The following SUCLG2 variants were observed in gnomAD, a reference collection of about 807,000 sequenced individuals.
SUCLG2 encodes succinate--CoA ligase [GDP-forming] subunit beta, mitochondrial.
A neutral mutation model predicts 47.9 loss-of-function variants in SUCLG2; 42 were observed. The ratio of observed to expected loss-of-function variants is 0.88; its 90% CI spans 0.69 to 1.14. The LOEUF (loss-of-function observed/expected upper bound fraction) is 1.14. Among genes scored for constraint, SUCLG2 ranks in the 50% most tolerant of loss-of-function variants. The pLI is 0.00. For missense variants in SUCLG2, 571 were observed against 525.9 expected (o/e 1.09, Z -0.84); for synonymous variants, 195 against 197.3 (o/e 0.99, Z 0.10).
intron 9 of SUCLG2, among the ~76,000 whole-genome samples, chr3:67,467,936 T>C (rs1384477675): frequency 3.3e-5 from 5 of 152,138 alleles, no homozygotes; most frequent in African/African-American, 4.8e-5. Context: ...GCACCCTGAA[T>C]AATATAATGC....
chr3:67,508,406 A>G (rs960543705), intron 7 of SUCLG2, among the ~76,000 whole-genome samples: 4 of 152,110 alleles, frequency 2.6e-5, no homozygotes, highest in Non-Finnish European at 5.9e-5. Flanking sequence ...GAGGTGAACG[A>G]ATGTTTCTTT....
chr3:67,589,791 C>A (rs537963391), intron 2 of SUCLG2, among the ~76,000 whole-genome samples: 145 of 152,264 alleles, frequency 9.5e-4, no homozygotes, highest in African/African-American at 3.4e-3. Context: ...AAGCTGGGGG[C>A]GGAAAGAGGA....
intron 10 of SUCLG2, among the ~76,000 whole-genome samples, chr3:67,399,983 C>T (rs1004926921): frequency 6.6e-6 from 1 of 152,112 alleles, no homozygotes; most frequent in Admixed American, 6.5e-5. Flanking sequence ...GAGTTCAAGA[C>T]CAGCCTGGGC....
At chr3:67,617,829 A>C (rs1448171698) in intron 1 of SUCLG2, among the ~76,000 whole-genome samples, 1 of 152,202 alleles carries the variant, frequency 6.6e-6, no homozygotes, top group Non-Finnish European at 1.5e-5. Flanking sequence ...TGCCCATGAC[A>C]AGTACTCAAA....
Position 67,584,284 on chromosome 3 carries a change from G to A in SUCLG2, c.226+25171C>T, listed in dbSNP as rs149330680. The stretch of plus-strand genomic sequence containing the variant: ...CTCAAAAATATGATACTAAGTGAAG[G>A]AAGCTCGACACAAGAGACCACATGC... On this transcript the variant is annotated intron_variant, in intron 2 of 10. Transcript: ENST00000307227. Among the ~76,000 whole-genome samples, 616 of 152,234 alleles carry A rather than the reference G, an allele frequency of 4.0e-3. 2 individuals are homozygous for A. The highest frequency in any genetic ancestry group is 0.031 in the Middle Eastern group (9 of 292).
chr3:67,367,610 G>A (rs935002352), intron 10 of SUCLG2, among the ~76,000 whole-genome samples: 1 of 152,126 alleles, frequency 6.6e-6, no homozygotes, highest in Non-Finnish European at 1.5e-5. Flanking sequence ...TGCTGTGGAG[G>A]GCAGACCCTG....
At chr3:67,492,404 G>C (rs193285354) in intron 9 of SUCLG2, among the ~76,000 whole-genome samples, 4 of 152,094 alleles carry the variant, frequency 2.6e-5, no homozygotes, top group African/African-American at 9.7e-5. Flanking sequence ...ATACAAACCA[G>C]AGTATAATTT....
At chr3:67,532,279 G>T (rs1021615702) in intron 2 of SUCLG2, among the ~76,000 whole-genome samples, 2 of 152,138 alleles carry the variant, frequency 1.3e-5, no homozygotes, top group Admixed American at 6.6e-5. Context: ...GGGGTTACAG[G>T]CACATGCCAC....
intron 9 of SUCLG2, among the ~76,000 whole-genome samples, chr3:67,484,413 T>TA (rs1308368895): frequency 2.0e-5 from 3 of 152,128 alleles, no homozygotes; most frequent in Admixed American, 6.5e-5. Flanking sequence ...TATATGGAAA[T>TA]AAAAAAATAG....
chr3:67,537,516 G>A (rs1471870022), intron 2 of SUCLG2, among the ~76,000 whole-genome samples: 1 of 152,172 alleles, frequency 6.6e-6, no homozygotes, highest in Non-Finnish European at 1.5e-5. Context: ...TGTGCACAGT[G>A]CCGAAATAAA....
intron 2 of SUCLG2, among the ~76,000 whole-genome samples, chr3:67,596,817 C>A (rs774647233): frequency 6.6e-6 from 1 of 152,140 alleles, no homozygotes; most frequent in Non-Finnish European, 1.5e-5. Context: ...ACAACACTGG[C>A]AAGGATGGAG....
At chr3:67,397,036 G>A (rs1476291081) in intron 10 of SUCLG2, among the ~76,000 whole-genome samples, 5 of 151,252 alleles carry the variant, frequency 3.3e-5, no homozygotes, top group African/African-American at 4.9e-5. Context: ...AATAATAAGA[G>A]CTATCTATGA....
intron 9 of SUCLG2, 42 bp from the exon 10 acceptor site, chr3:67,400,893 G>T: frequency 6.2e-7 from 1 of 1,607,972 alleles, no homozygotes; most frequent in Non-Finnish European, 8.5e-7. Context: ...AATGCTGATC[G>T]CCAACAGTCT....
intron 2 of SUCLG2, among the ~76,000 whole-genome samples, chr3:67,604,599 T>C (rs879729370): frequency 2.6e-5 from 4 of 152,108 alleles, no homozygotes; most frequent in African/African-American, 7.2e-5. Flanking sequence ...ATAGTAGACA[T>C]GAGAGACATT....
chr3:67,401,700 C>T (rs1702687630), intron 9 of SUCLG2, among the ~76,000 whole-genome samples: 1 of 151,916 alleles, frequency 6.6e-6, no homozygotes, highest in East Asian at 1.9e-4. Context: ...ATTGATAACA[C>T]CCACAGAAAA....
At chr3:67,597,769 C>G (rs1172734355) in intron 2 of SUCLG2, among the ~76,000 whole-genome samples, 2 of 151,938 alleles carry the variant, frequency 1.3e-5, no homozygotes, top group Admixed American at 6.5e-5. Context: ...AAAACTCCAT[C>G]TCTACGAAAA....
chr3:67,459,116 CCATT>C (rs143950982), intron 9 of SUCLG2, among the ~76,000 whole-genome samples: 3,584 of 152,206 alleles, frequency 0.024, 137 homozygotes, highest in African/African-American at 0.082. Context: ...GACCAGTGAA[CCATT>C]CAAAGGGCAG....
intron 2 of SUCLG2, among the ~76,000 whole-genome samples, chr3:67,552,183 A>T (rs1053507924): frequency 6.6e-6 from 1 of 151,620 alleles, no homozygotes; most frequent in African/African-American, 2.4e-5. Context: ...AAAAAAAAAA[A>T]AAAAAAAAAG....
At chr3:67,623,692 T>C (rs1213541879) in intron 1 of SUCLG2, among the ~76,000 whole-genome samples, 1 of 152,166 alleles carries the variant, frequency 6.6e-6, no homozygotes, top group Non-Finnish European at 1.5e-5. Context: ...GTACTAGATA[T>C]TTTTATTCAA....
Sources: gnomAD v4.1 joint callset for allele counts (sites outside exome capture counted in the v4.1 genomes callset) on GRCh38, gnomAD v4.1.1 for gene constraint, MANE v1.5 for transcripts, NCBI Gene and HGNC (gene_info 2026-07-23, HGNC 2026-07-21) for gene names.